The following RAB3C variants were observed in gnomAD, a reference collection of about 807,000 sequenced individuals.
RAB3C encodes the protein RAB3C, member RAS oncogene family, also known as ras-related protein Rab-3C.
A neutral mutation model predicts 26.4 loss-of-function variants in RAB3C; 17 were observed. That is an observed-to-expected ratio of 0.64 (90% CI 0.44 to 0.97). The LOEUF (loss-of-function observed/expected upper bound fraction) is 0.97. Ranked by LOEUF, RAB3C falls within the 50% of genes least tolerant of loss-of-function variation. The probability of loss-of-function intolerance (pLI) is 0.00; values close to 1 mark genes in which losing one functional copy is unlikely to be tolerated. For synonymous variants in RAB3C, 91 were observed against 95.9 expected, an observed-to-expected ratio of 0.95 and a Z score of 0.30; for missense variants, 242 against 281.9, an observed-to-expected ratio of 0.86 and a Z score of 1.01.
intron 3 of RAB3C, among the ~76,000 whole-genome samples, chr5:58,817,663 G>A (rs770212546): frequency 1.3e-5 from 2 of 152,056 alleles, no homozygotes; most frequent in African/African-American, 2.4e-5. Context: ...CTAATAATAC[G>A]CAGCCCTGAT....
rs959176515 is a variant in RAB3C, at chr5:58,722,827, A to G, written c.253-3175A>G. Among the ~76,000 whole-genome samples, 5 of 151,992 alleles carry G rather than the reference A, an allele frequency of 3.3e-5. No homozygotes were observed. The East Asian group carries it at 5.8e-4, about 18-fold the overall frequency. ...CAATGAGATACACTTTACGACATCT[A>G]TGTTTATCCCTAGCATCTACATTTT... On this transcript the variant is annotated intron_variant, in intron 2 of 4. Coordinates refer to ENST00000282878, the MANE Select transcript of RAB3C (RefSeq NM_138453.4).
chr5:58,679,748 A>C (rs1748308348), intron 2 of RAB3C, among the ~76,000 whole-genome samples: 1 of 152,222 alleles, frequency 6.6e-6, no homozygotes, highest in African/African-American at 2.4e-5. Flanking sequence ...TGATTCAAAA[A>C]TCTGAATCAG....
chr5:58,856,874 C>T lies in RAB3C; in HGVS notation c.*5523C>T, dbSNP rs535345586. On this transcript the variant is annotated 3_prime_UTR_variant, in exon 5 of 5. Transcript: ENST00000282878. Reference sequence around the variant, plus strand: ...TATGATGGCTTTCCATGCATTGTCTCATTATCCCTAGGATACGTGCTAAAG... The same window carrying T: ...TATGATGGCTTTCCATGCATTGTCTTATTATCCCTAGGATACGTGCTAAAG... 1.6e-4 allele frequency: 24 copies of T among 152,304 alleles called. No homozygotes were observed. Among genetic ancestry groups the T allele is most frequent in the African/African-American group, 5.5e-4 (23 of 41,570 alleles). The allele number at this position is 152,304 out of a possible 1,614,324, so 9.4% of individuals were successfully genotyped here. A position where few individuals can be genotyped will look rare whatever the true frequency, so the allele number is the denominator to read the frequency against.
At chr5:58,640,736 C>T (rs1747397435) in intron 2 of RAB3C, among the ~76,000 whole-genome samples, 1 of 152,100 alleles carries the variant, frequency 6.6e-6, no homozygotes, top group Admixed American at 6.6e-5. Context: ...CTTTCAGAGA[C>T]AGTGTTGTCA....
chr5:58,831,464 G>A (rs1743612226), intron 4 of RAB3C, among the ~76,000 whole-genome samples: 2 of 152,274 alleles, frequency 1.3e-5, no homozygotes, highest in Middle Eastern at 3.4e-3. Flanking sequence ...CAAGTGTGCT[G>A]TGATTTATAA....
intron 3 of RAB3C, among the ~76,000 whole-genome samples, chr5:58,790,360 A>C (rs1742494412): frequency 6.6e-6 from 1 of 152,214 alleles, no homozygotes; most frequent in Non-Finnish European, 1.5e-5. Context: ...AGAGTAGCAA[A>C]TTCAAACCCT....
chr5:58,769,769 T>G (rs1175595196), intron 3 of RAB3C, among the ~76,000 whole-genome samples: 1 of 152,216 alleles, frequency 6.6e-6, no homozygotes, highest in South Asian at 2.1e-4. Flanking sequence ...TTCTTCAAGA[T>G]ATAAATTTAC....
At chr5:58,642,253 G>C (rs78967120) in intron 2 of RAB3C, among the ~76,000 whole-genome samples, 327 of 152,306 alleles carry the variant, frequency 2.1e-3, no homozygotes, top group Non-Finnish European at 2.7e-3. Flanking sequence ...TTAGGTTCTA[G>C]TTCAATGGAA....
At chr5:58,687,764 A>T (rs1304341941) in intron 2 of RAB3C, among the ~76,000 whole-genome samples, 1 of 152,142 alleles carries the variant, frequency 6.6e-6, no homozygotes, top group Non-Finnish European at 1.5e-5. Flanking sequence ...TGTAAGATGC[A>T]CTCAAGATAT....
intron 1 of RAB3C, among the ~76,000 whole-genome samples, chr5:58,614,313 G>A (rs1459706339): frequency 6.6e-6 from 1 of 151,964 alleles, no homozygotes; most frequent in Non-Finnish European, 1.5e-5. Context: ...CTGTCAAATT[G>A]CTTCACTTGT....
intron 2 of RAB3C, among the ~76,000 whole-genome samples, chr5:58,672,646 G>A (rs1748144167): frequency 1.3e-5 from 2 of 151,984 alleles, no homozygotes; most frequent in South Asian, 4.2e-4. Flanking sequence ...AGATATAATT[G>A]ACAAATAAAA....
rs75933027 is a variant in RAB3C at position 58,786,477 on chromosome 5, C to G, written c.372-38561C>G. ...GGGACGCACAGTTCCCTCCCACTCT[C>G]TTTCCTTGGCCTCTCCTCCCCGCCC... On this transcript the variant is annotated intron_variant, in intron 3 of 4. Coordinates refer to ENST00000282878, the MANE Select transcript of RAB3C (RefSeq NM_138453.4). 2.6e-5 allele frequency among the ~76,000 whole-genome samples: 4 copies of G among 152,120 alleles called. No individual in the cohort carries two copies. The East Asian group carries it at 5.8e-4, about 22-fold the overall frequency.
chr5:58,718,271 G>C (rs868743851), intron 2 of RAB3C, among the ~76,000 whole-genome samples: 1 of 152,048 alleles, frequency 6.6e-6, no homozygotes, highest in Non-Finnish European at 1.5e-5. Context: ...AATAAGTAAA[G>C]ATGCCTCTAT....
At chr5:58,712,415 A>G (rs79467077) in intron 2 of RAB3C, among the ~76,000 whole-genome samples, 3,660 of 152,264 alleles carry the variant, frequency 0.024, 145 homozygotes, top group African/African-American at 0.083. Flanking sequence ...CTTTGTATCA[A>G]TTTTGAGTCC....
At chr5:58,687,776 C>T (rs1748476009) in intron 2 of RAB3C, among the ~76,000 whole-genome samples, 1 of 152,050 alleles carries the variant, frequency 6.6e-6, no homozygotes, top group African/African-American at 2.4e-5. Flanking sequence ...TCAAGATATA[C>T]TAAAGAAATA....
intron 2 of RAB3C, among the ~76,000 whole-genome samples, chr5:58,643,121 A>C (rs777382476): frequency 6.6e-6 from 1 of 152,334 alleles, no homozygotes; most frequent in South Asian, 2.1e-4. Flanking sequence ...TGTATAGCTA[A>C]TTACCAATTA....
intron 1 of RAB3C, among the ~76,000 whole-genome samples, chr5:58,599,314 G>T (rs1377510025): frequency 6.6e-6 from 1 of 152,182 alleles, no homozygotes; most frequent in Admixed American, 6.6e-5. Flanking sequence ...GGTCCTGTCT[G>T]CCATCCCAGG....
intron 2 of RAB3C, among the ~76,000 whole-genome samples, chr5:58,715,894 G>A (rs763289711): frequency 9.1e-4 from 138 of 152,084 alleles, no homozygotes; most frequent in Non-Finnish European, 4.6e-4. Flanking sequence ...GTCATGCCCT[G>A]GAAGAGTGAA....
At chr5:58,619,062 G>T (rs1746881098) in intron 2 of RAB3C, among the ~76,000 whole-genome samples, 1 of 152,072 alleles carries the variant, frequency 6.6e-6, no homozygotes, top group African/African-American at 2.4e-5. Context: ...ACATCCTAAA[G>T]GTCTTATTAA....
Sources: allele counts gnomAD v4.1 joint callset (sites outside exome capture counted in the v4.1 genomes callset), GRCh38; gene constraint gnomAD v4.1.1; transcripts MANE v1.5; gene names NCBI Gene and HGNC (gene_info 2026-07-23, HGNC 2026-07-21).